CEP152: variants seen among roughly 807,000 people sequenced by gnomAD.
CEP152 encodes the protein centrosomal protein 152.
Under a neutral mutation model 188.9 loss-of-function variants are expected in CEP152, and 132 were observed. That is an observed-to-expected ratio of 0.70 (90% confidence interval 0.61 to 0.81). The LOEUF is 0.81. CEP152 is among the 30% of genes least tolerant of loss of function. The pLI, the probability that CEP152 is intolerant of heterozygous loss-of-function variation, is 0.00. For synonymous variants in CEP152, 649 were observed against 666.6 expected (o/e 0.97, Z 0.41); for missense variants, 1,914 against 1,969.8 (o/e 0.97, Z 0.54).
intron 6 of CEP152, among the ~76,000 whole-genome samples, chr15:48,795,234 A>T (rs573542697): frequency 6.6e-6 from 1 of 152,296 alleles, no homozygotes; most frequent in South Asian, 2.1e-4. Context: ...TCTAGTACCT[A>T]TAAGCACTTT....
chr15:48,789,005 G>A lies in CEP152; in HGVS notation c.973-4C>T. On this transcript the variant is annotated splice_region_variant and splice_polypyrimidine_tract_variant and intron_variant, in intron 8 of 26. Coordinates refer to ENST00000380950, the MANE Select transcript of CEP152 (RefSeq NM_001194998.2). ...TTGTTCTGGACTTCTTGATCATCTAGTAAATACACACAGGATATCCATGTT... is the reference window on the plus strand; with the variant it reads ...TTGTTCTGGACTTCTTGATCATCTAATAAATACACACAGGATATCCATGTT... 3 of 1,612,476 alleles carry A rather than the reference G, an allele frequency of 1.9e-6. No individual in the cohort carries two copies. The highest frequency in any genetic ancestry group is 2.2e-5 in the East Asian group (1 of 44,874).
At position 48,767,422 on chromosome 15, in the gene CEP152, G is replaced by A; in HGVS notation, c.2060C>T (p.Thr687Ile). The change falls in exon 16 of 27, where the codon ACT (threonine) becomes ATT (isoleucine). Residue 687 changes from threonine to isoleucine, a missense_variant. Coordinates refer to ENST00000380950, the MANE Select transcript of CEP152 (RefSeq NM_001194998.2). Reference protein sequence around the residue: ...TYQQHHEAMKTQIRESLLAKH... With the variant: ...TYQQHHEAMKIQIRESLLAKH... Reference sequence around the variant, plus strand: ...TGCTAATAGGCTTTCACGTATTTGAGTTTTCATGGCTTCATGGTGCTGCTG... The same window carrying A: ...TGCTAATAGGCTTTCACGTATTTGAATTTTCATGGCTTCATGGTGCTGCTG... 1 of 1,614,132 alleles carries A rather than the reference G, an allele frequency of 6.2e-7. No individual in the cohort carries two copies. Among genetic ancestry groups the A allele is most frequent in the Non-Finnish European group, 8.5e-7 (1 of 1,180,012 alleles).
chr15:48,792,078 C>T (rs952830128), intron 7 of CEP152, among the ~76,000 whole-genome samples: 4 of 152,054 alleles, frequency 2.6e-5, no homozygotes, highest in African/African-American at 9.7e-5. Flanking sequence ...CTGCAAGCTC[C>T]GCCTCCCAGG....
intron 22 of CEP152, among the ~76,000 whole-genome samples, chr15:48,747,111 A>G (rs1893497464): frequency 6.6e-6 from 1 of 152,194 alleles, no homozygotes; most frequent in African/African-American, 2.4e-5. Context: ...GAAGAGCTTT[A>G]AACAAGAGTG....
At chr15:48,802,362 G>A (rs1332437906) in intron 2 of CEP152, among the ~76,000 whole-genome samples, 1 of 152,056 alleles carries the variant, frequency 6.6e-6, no homozygotes, top group East Asian at 1.9e-4. Context: ...AGAAACATAA[G>A]TAATGTGTGA....
intron 2 of CEP152, among the ~76,000 whole-genome samples, chr15:48,798,724 T>C (rs1164831365): frequency 6.6e-6 from 1 of 152,228 alleles, no homozygotes; most frequent in Non-Finnish European, 1.5e-5. Flanking sequence ...GTTTGATTTC[T>C]CTCTCCTATT....
chr15:48,807,394 T>C (rs117143514), intron 1 of CEP152, among the ~76,000 whole-genome samples: 1,863 of 152,254 alleles, frequency 0.012, 30 homozygotes, highest in Non-Finnish European at 0.015. Flanking sequence ...TTGAAAATAC[T>C]AGCCCAATTA....
intron 10 of CEP152, 178 bp downstream of exon 10, chr15:48,783,791 GTATA>G (rs750692754): frequency 7.7e-5 from 12 of 155,054 alleles, no homozygotes; most frequent in Non-Finnish European, 1.1e-4. Context: ...ATATATATAT[GTATA>G]TATATATATA....
chr15:48,765,166 T>C (rs1162489945), intron 17 of CEP152, among the ~76,000 whole-genome samples: 2 of 152,136 alleles, frequency 1.3e-5, no homozygotes, highest in African/African-American at 4.8e-5. Flanking sequence ...AAACTTCTAA[T>C]GCTTTAAGTA....
At chr15:48,802,561 C>T (rs1897737677) in intron 2 of CEP152, among the ~76,000 whole-genome samples, 1 of 152,078 alleles carries the variant, frequency 6.6e-6, no homozygotes, top group Admixed American at 6.5e-5. Context: ...CCAACTTTTA[C>T]TAATGTACCA....
At chr15:48,734,247 C>A (rs1892521920), downstream of CEP152, among the ~76,000 whole-genome samples, 1 of 149,310 alleles carries the variant, frequency 6.7e-6, no homozygotes, top group Admixed American at 6.7e-5. Flanking sequence ...ATATATAAGA[C>A]ATAATAGCAC....
chr15:48,761,451 C>T (rs767080028), intron 18 of CEP152, among the ~76,000 whole-genome samples: 3 of 152,134 alleles, frequency 2.0e-5, no homozygotes, highest in Non-Finnish European at 4.4e-5. Context: ...GTCCAAGGAA[C>T]TCTTGAGGCT....
chr15:48,734,587 TAAA>T (rs34623932), downstream of CEP152, among the ~76,000 whole-genome samples: 2 of 128,936 alleles, frequency 1.6e-5, no homozygotes. Flanking sequence ...GCTTCTCTGA[TAAA>T]AAAAAAAAAA....
intron 12 of CEP152, among the ~76,000 whole-genome samples, chr15:48,780,018 G>A (rs893145070): frequency 2.0e-5 from 3 of 152,152 alleles, no homozygotes; most frequent in South Asian, 4.1e-4. Flanking sequence ...TCCTTGCTAA[G>A]GCTGAGCTGC....
intron 17 of CEP152, among the ~76,000 whole-genome samples, chr15:48,765,212 G>A (rs547287129): frequency 1.3e-5 from 2 of 152,246 alleles, no homozygotes; most frequent in South Asian, 2.1e-4. Flanking sequence ...GTTTGGAGGA[G>A]GAGTGTAACC....
chr15:48,736,229 T>C (rs1186185211), downstream of CEP152, among the ~76,000 whole-genome samples: 2 of 152,132 alleles, frequency 1.3e-5, no homozygotes, highest in East Asian at 1.9e-4. Flanking sequence ...GAAGAAGTAA[T>C]ACCAATGCTA....
At chr15:48,769,127 A>T in intron 13 of CEP152, 46 bp from the exon 14 acceptor site, 3 of 1,512,948 alleles carry the variant, frequency 2.0e-6, no homozygotes, top group Non-Finnish European at 2.7e-6. Flanking sequence ...AAAAAATTCT[A>T]AGTTTCACTT....
rs1446929334 is a variant in CEP152 at position 48,797,975 on chromosome 15, T to G, written c.164A>C (p.Asp55Ala). 8.1e-6 allele frequency: 13 copies of G among 1,613,922 alleles called. No individual in the cohort carries two copies. The highest frequency in any genetic ancestry group is 1.1e-5 in the Non-Finnish European group (13 of 1,179,972). Residue 55 changes from aspartate (D) to alanine (A), a missense_variant, in exon 3 of 27, where the codon GAC (aspartate) becomes GCC (alanine). By Grantham distance (126) the Asp-to-Ala change is moderately radical. Coordinates refer to ENST00000380950, the MANE Select transcript of CEP152 (RefSeq NM_001194998.2). The part of the protein sequence containing the change: ...DLSSPELQYS[D>A]CSEDGTDGQP... ...TCCGTCTGTGCCATCCTCGCTGCAG[T>G]CCGAATACTGGAGCTCTGGAGAGGA...
chr15:48,731,926 G>A (rs537915422), intron 2 of CEP152, among the ~76,000 whole-genome samples: 1 of 152,112 alleles, frequency 6.6e-6, no homozygotes, highest in South Asian at 2.1e-4. Context: ...ACAAACATAT[G>A]AAAAAAGCTC....
Sources: allele counts gnomAD v4.1 joint callset (sites outside exome capture counted in the v4.1 genomes callset), GRCh38; gene constraint gnomAD v4.1.1; transcripts MANE v1.5; gene names NCBI Gene and HGNC (gene_info 2026-07-23, HGNC 2026-07-21).